The following FAM89A variants were observed in gnomAD, a reference collection of about 807,000 sequenced individuals.
The protein encoded by FAM89A is protein FAM89A.
In FAM89A, 10 loss-of-function variants were observed where a neutral mutation model predicts 7.1. That is an observed-to-expected ratio of 1.40 (90% CI 0.86 to 2.38). The LOEUF (loss-of-function observed/expected upper bound fraction) is 2.38. FAM89A is among the 30% of genes most tolerant of loss of function. FAM89A has a pLI of 0.00. For synonymous variants in FAM89A, 157 were observed against 129.3 expected (o/e 1.21, Z -1.45); for missense variants, 276 against 262.8 (o/e 1.05, Z -0.35).
intron 1 of FAM89A, among the ~76,000 whole-genome samples, chr1:231,023,609 T>G (rs1474030464): frequency 6.6e-6 from 1 of 152,244 alleles, no homozygotes; most frequent in Admixed American, 6.5e-5. Flanking sequence ...CAGAATTCAC[T>G]TTAGACGGGG....
rs1206996970 is a variant in FAM89A at position 231,039,909 on chromosome 1, A to G, written c.291+12T>C. ...GGCCGGGAAGAGCCCCAGCTCGCGGAGCCCCACTCACCATCTCTTTGCGGA... is the reference window on the plus strand; with the variant it reads ...GGCCGGGAAGAGCCCCAGCTCGCGGGGCCCCACTCACCATCTCTTTGCGGA... On this transcript the variant is annotated intron_variant, in intron 1 of 1. Coordinates refer to ENST00000366654, the MANE Select transcript of FAM89A (RefSeq NM_198552.3). 1 of 1,302,372 alleles carries G rather than the reference A, an allele frequency of 7.7e-7. No homozygotes were observed. Among genetic ancestry groups the G allele is most frequent in the Non-Finnish European group, 9.7e-7 (1 of 1,027,718 alleles). 80.7% of individuals were successfully genotyped at this position (1,302,372 alleles called of 1,614,324 possible). A position where few individuals can be genotyped will look rare whatever the true frequency, so the allele number is the denominator to read the frequency against.
intron 1 of FAM89A, among the ~76,000 whole-genome samples, chr1:231,027,432 CAAGGATTAG>C (rs572670391): frequency 5.0e-4 from 76 of 152,272 alleles, no homozygotes; most frequent in African/African-American, 1.7e-3. Context: ...ACGGATTTAA[CAAGGATTAG>C]ACGCACACAC....
chr1:231,034,113 C>T (rs1289191958), intron 1 of FAM89A, among the ~76,000 whole-genome samples: 2 of 152,190 alleles, frequency 1.3e-5, no homozygotes, highest in Non-Finnish European at 2.9e-5. Flanking sequence ...TTGTACCTTT[C>T]TTCCTTTTCT....
At chr1:231,021,914 AG>A (rs1679886305) in intron 1 of FAM89A, 25 of 1,529,798 alleles carry the variant, frequency 1.6e-5, no homozygotes, top group Non-Finnish European at 2.1e-5. Context: ...GTTGTTGTCC[AG>A]GGACAGAGAC....
chr1:231,031,157 A>G (rs975962874), intron 1 of FAM89A, among the ~76,000 whole-genome samples: 1 of 152,152 alleles, frequency 6.6e-6, no homozygotes, highest in African/African-American at 2.4e-5. Context: ...GCTAACACAA[A>G]TAACATTTTC....
chr1:231,023,334 G>A (rs1052647503), intron 1 of FAM89A, among the ~76,000 whole-genome samples: 3 of 152,190 alleles, frequency 2.0e-5, no homozygotes, highest in African/African-American at 7.2e-5. Context: ...CACTCCACAG[G>A]TAGGTGGGAG....
intron 1 of FAM89A, chr1:231,022,070 T>C (rs1439941619): frequency 2.4e-5 from 34 of 1,411,218 alleles, no homozygotes; most frequent in South Asian, 3.5e-5. Context: ...TTCCACAGAA[T>C]GTGGCCATGT....
intron 1 of FAM89A, among the ~76,000 whole-genome samples, chr1:231,027,101 C>T (rs1014820261): frequency 6.6e-6 from 1 of 152,176 alleles, no homozygotes; most frequent in Non-Finnish European, 1.5e-5. Flanking sequence ...CAGGTAAACA[C>T]AGGAGCCTGA....
At position 231,040,218 on chromosome 1, in the gene FAM89A, G is replaced by A; in HGVS notation, c.-7C>T. On this transcript the variant is annotated 5_prime_UTR_variant, in exon 1 of 2. Coordinates refer to ENST00000366654, the MANE Select transcript of FAM89A (RefSeq NM_198552.3). ...CCGCCCGGGCCCCACTCATCGCGCC[G>A]CGGCCCGGCCACGCGCCTGCCCCGC... 9.5e-7 allele frequency: 1 copy of A among 1,053,226 alleles called. No homozygotes were observed. The highest frequency in any genetic ancestry group is 1.1e-6 in the Non-Finnish European group (1 of 876,630). 65.2% of individuals were successfully genotyped at this position (1,053,226 alleles called of 1,614,324 possible).
chr1:231,035,248 T>C (rs1680140519), intron 1 of FAM89A, among the ~76,000 whole-genome samples: 1 of 152,232 alleles, frequency 6.6e-6, no homozygotes, highest in African/African-American at 2.4e-5. Flanking sequence ...GTTACTAGTT[T>C]CACAAATTCA....
chr1:231,037,331 G>A (rs1680173273), intron 1 of FAM89A, among the ~76,000 whole-genome samples: 1 of 152,184 alleles, frequency 6.6e-6, no homozygotes, highest in African/African-American at 2.4e-5. Flanking sequence ...TTATTTCTAG[G>A]TGCTGGCACT....
chr1:231,031,449 A>G (rs1308136679), intron 1 of FAM89A, among the ~76,000 whole-genome samples: 3 of 152,234 alleles, frequency 2.0e-5, no homozygotes, highest in African/African-American at 7.2e-5. Flanking sequence ...GGATCTTTTA[A>G]TATCAAGCAC....
chr1:231,031,017 G>A (rs1459048122), intron 1 of FAM89A, among the ~76,000 whole-genome samples: 1 of 152,044 alleles, frequency 6.6e-6, no homozygotes, highest in East Asian at 1.9e-4. Context: ...GGCTGAGGTG[G>A]GAGGATCACC....
rs186836491 is a variant in FAM89A at position 231,019,055 on chromosome 1, T to C, written c.*808A>G. ...ATTAAGGCTTAAGGTAATTACTGGT[T>C]TGAGTGGCGGGTGGTTTGCTTTCTA... On this transcript the variant is annotated 3_prime_UTR_variant, in exon 2 of 2. Coordinates refer to ENST00000366654, the MANE Select transcript of FAM89A (RefSeq NM_198552.3). 3.0e-3 allele frequency: 452 copies of C among 152,318 alleles called. 2 individuals are homozygous for C. The highest frequency in any genetic ancestry group is 0.01 in the African/African-American group (426 of 41,560). The allele number at this position is 152,318 out of a possible 1,614,324, so 9.4% of individuals were successfully genotyped here.
chr1:231,025,189 T>C (rs2103071860), intron 1 of FAM89A, among the ~76,000 whole-genome samples: 1 of 152,290 alleles, frequency 6.6e-6, no homozygotes, highest in South Asian at 2.1e-4. Context: ...CCCAGAGTGC[T>C]GGGATTACAG....
At chr1:231,025,113 G>A (rs1021743885) in intron 1 of FAM89A, among the ~76,000 whole-genome samples, 80 of 151,376 alleles carry the variant, frequency 5.3e-4, no homozygotes, top group African/African-American at 1.8e-3. Context: ...TAGTAGAGAC[G>A]GGGTTTCACC....
chr1:231,027,873 C>T (rs1270966498), intron 1 of FAM89A, among the ~76,000 whole-genome samples: 1 of 152,252 alleles, frequency 6.6e-6, no homozygotes, highest in Non-Finnish European at 1.5e-5. Context: ...AGTGTTCATC[C>T]TTTGCCCTCG....
chr1:231,028,945 C>T (rs1011027309), intron 1 of FAM89A, among the ~76,000 whole-genome samples: 7 of 152,198 alleles, frequency 4.6e-5, no homozygotes, highest in African/African-American at 1.4e-4. Context: ...ATTTTCAAAA[C>T]AGTAGGCTCC....
At chr1:231,026,142 G>C in intron 1 of FAM89A, 1 of 153,718 alleles carries the variant, frequency 6.5e-6, no homozygotes, top group Non-Finnish European at 1.5e-5. Context: ...TTTCCACTCT[G>C]CTAGTGGGCA....
Sources: allele counts gnomAD v4.1 joint callset (sites outside exome capture counted in the v4.1 genomes callset), GRCh38; gene constraint gnomAD v4.1.1; transcripts MANE v1.5; gene names NCBI Gene and HGNC (gene_info 2026-07-23, HGNC 2026-07-21).